Variants in PSKH2 observed in about 807,000 individuals in gnomAD.
The protein encoded by PSKH2 is serine/threonine-protein kinase H2.
PSKH2 carries 16 observed loss-of-function variants against 22.5 expected under a neutral mutation model. The observed-to-expected ratio is 0.71, with a 90% CI of 0.48 to 1.08. The LOEUF (loss-of-function observed/expected upper bound fraction) is 1.08. Ranked by LOEUF, PSKH2 falls within the 50% of genes least tolerant of loss-of-function variation. PSKH2 has a pLI of 0.00. For synonymous variants in PSKH2, 188 were observed against 184.8 expected, an observed-to-expected ratio of 1.02 and a Z score of -0.14; for missense variants, 516 against 492.8, an observed-to-expected ratio of 1.05 and a Z score of -0.44.
chr8:86,066,175 G>A (rs1817854562), intron 1 of PSKH2, among the ~76,000 whole-genome samples: 1 of 150,732 alleles, frequency 6.6e-6, no homozygotes, highest in Admixed American at 6.6e-5. Context: ...TTACGTTGTA[G>A]AGTCAGGATT....
intron 1 of PSKH2, among the ~76,000 whole-genome samples, chr8:86,068,426 C>T (rs1215961610): frequency 6.6e-6 from 1 of 152,178 alleles, no homozygotes; most frequent in Non-Finnish European, 1.5e-5. Flanking sequence ...CTGAAATCTT[C>T]TACATAGGAA....
At position 86,064,467 on chromosome 8, in the gene PSKH2, T is replaced by A; in HGVS notation, c.350A>T (p.His117Leu). Residue 117 changes from histidine (H) to leucine (L), a missense_variant, in exon 2 of 3, where the codon CAT becomes CTT. Physicochemically the swap from His to Leu is moderately conservative, Grantham distance 99 (BLOSUM62 -3). Coordinates refer to ENST00000276616, the MANE Select transcript of PSKH2 (RefSeq NM_033126.3). ...SELSVLRRVSHRYIVQLMEIF... is the reference protein window; with the variant it reads ...SELSVLRRVSLRYIVQLMEIF... Reference sequence around the variant, plus strand: ...CTCCATGAGCTGGACAATGTAACGATGGCTAACCCGCCGCAGGACGCTCAG... The same window carrying A: ...CTCCATGAGCTGGACAATGTAACGAAGGCTAACCCGCCGCAGGACGCTCAG... 1 of 1,614,094 alleles carries A rather than the reference T, an allele frequency of 6.2e-7. No homozygotes were observed. The highest frequency in any genetic ancestry group is 8.5e-7 in the Non-Finnish European group (1 of 1,180,030).
chr8:86,066,850 C>A (rs957519064), intron 1 of PSKH2, among the ~76,000 whole-genome samples: 2 of 152,160 alleles, frequency 1.3e-5, no homozygotes, highest in South Asian at 2.1e-4. Context: ...TAAATAGATT[C>A]TTTCCCCTTT....
chr8:86,050,373 G>A (rs1170132413), intron 2 of PSKH2, among the ~76,000 whole-genome samples: 1 of 152,130 alleles, frequency 6.6e-6, no homozygotes, highest in Non-Finnish European at 1.5e-5. Flanking sequence ...CTAACACCAA[G>A]TAGCCATAAA....
intron 2 of PSKH2, among the ~76,000 whole-genome samples, chr8:86,061,737 C>T (rs897050264): frequency 7.9e-5 from 12 of 152,210 alleles, no homozygotes; most frequent in Admixed American, 2.6e-4. Context: ...TCCAGCCATC[C>T]GCACCAAGAT....
intron 2 of PSKH2, among the ~76,000 whole-genome samples, chr8:86,058,717 A>T (rs146558536): frequency 6.6e-6 from 1 of 152,330 alleles, no homozygotes; most frequent in East Asian, 1.9e-4. Context: ...AAGTGGAATG[A>T]TCATTGAAGA....
At chr8:86,067,698 T>C (rs1166324879) in intron 1 of PSKH2, among the ~76,000 whole-genome samples, 1 of 152,138 alleles carries the variant, frequency 6.6e-6, no homozygotes, top group African/African-American at 2.4e-5. Flanking sequence ...AGTGTTACAA[T>C]CTGCTTGAGA....
intron 2 of PSKH2, among the ~76,000 whole-genome samples, chr8:86,060,214 G>A (rs1817756881): frequency 1.3e-5 from 2 of 151,728 alleles, no homozygotes; most frequent in Admixed American, 1.3e-4. Context: ...GTTCCTTTCT[G>A]TACAGTATGA....
intron 2 of PSKH2, among the ~76,000 whole-genome samples, chr8:86,050,040 CAATATGCACAGCT>C (rs368921423): frequency 8.3e-4 from 127 of 152,260 alleles, no homozygotes; most frequent in African/African-American, 2.8e-3. Context: ...TGACACAGTA[CAATATGCACAGCT>C]AAGTAGTTCC....
intron 2 of PSKH2, among the ~76,000 whole-genome samples, chr8:86,049,206 A>G (rs1473950012): frequency 6.6e-6 from 1 of 152,176 alleles, no homozygotes; most frequent in Non-Finnish European, 1.5e-5. Context: ...AAGAATGAGA[A>G]GGAGTAGAAG....
chr8:86,063,829 G>A, intron 2 of PSKH2, 136 bp downstream of exon 2: 1 of 660,908 alleles, frequency 1.5e-6, no homozygotes, highest in Admixed American at 2.9e-5. Flanking sequence ...TTAGAGTAGA[G>A]GGCAGTGATG....
At chr8:86,052,823 A>C (rs1390553312) in intron 2 of PSKH2, among the ~76,000 whole-genome samples, 1 of 152,178 alleles carries the variant, frequency 6.6e-6, no homozygotes, top group Non-Finnish European at 1.5e-5. Context: ...GTTGCAAGTA[A>C]ATTGTAATAT....
At chr8:86,049,747 A>AAAGAAAGAAAGGAAAGAAAGAAAGG (rs1363102902) in intron 2 of PSKH2, among the ~76,000 whole-genome samples, 1 of 11,442 alleles carries the variant, frequency 8.7e-5, no homozygotes, top group Non-Finnish European at 1.6e-4. Flanking sequence ...AGAAAGAAAG[A>AAAGAAAGAAAGGAAAGAAAGAAAGG]AACGAAAGAA....
Position 86,048,644 on chromosome 8 carries a change from C to T in PSKH2, c.976G>A (p.Gly326Arg). ...DHPWVITMAA[G>R]SSMKNLQRAI... ...CTCTGGAGATTCTTCATGGAAGACC[C>T]TGCAGCCATGGTGATCACCCAGGGA... is the stretch of plus-strand genomic sequence containing the variant. The change falls in exon 3 of 3, where the codon GGG (glycine) becomes AGG (arginine). Residue 326 changes from glycine (G) to arginine (R), a missense_variant. Coordinates refer to ENST00000276616, the MANE Select transcript of PSKH2 (RefSeq NM_033126.3). 1 of 1,614,138 alleles carries T rather than the reference C, an allele frequency of 6.2e-7. No individual in the cohort carries two copies. The highest frequency in any genetic ancestry group is 8.5e-7 in the Non-Finnish European group (1 of 1,180,024).
At chr8:86,063,622 A>C (rs1817808452) in intron 2 of PSKH2, among the ~76,000 whole-genome samples, 1 of 152,262 alleles carries the variant, frequency 6.6e-6, no homozygotes, top group Non-Finnish European at 1.5e-5. Flanking sequence ...AGATTGGAGA[A>C]AAAAACTGCA....
intron 2 of PSKH2, among the ~76,000 whole-genome samples, chr8:86,053,044 G>C (rs1228404950): frequency 6.6e-6 from 1 of 152,238 alleles, no homozygotes; most frequent in African/African-American, 2.4e-5. Flanking sequence ...CTTACATGCT[G>C]TAGATGTCTT....
upstream of PSKH2, chr8:86,069,736 C>T: frequency 2.4e-6 from 3 of 1,242,732 alleles, no homozygotes; most frequent in Non-Finnish European, 3.2e-6. Flanking sequence ...GGAAAGAAAC[C>T]CCACTGGGGG....
Position 86,069,515 on chromosome 8 carries a change from G to T in PSKH2, c.108C>A (p.Pro36=). ...QAGVGGAGPG[P]EAAAQAAQRI... is the part of the protein sequence containing the mutation. ...TCTGCGCCGCCTGGGCCGCCGCCTCGGGCCCAGGCCCCGCGCCTCCGACGC... is the reference window on the plus strand; with the variant it reads ...TCTGCGCCGCCTGGGCCGCCGCCTCTGGCCCAGGCCCCGCGCCTCCGACGC... The change falls in exon 1 of 3, where the codon CCC becomes CCA. Residue 36 remains proline (P), a synonymous_variant. Transcript: ENST00000276616. 1 of 1,608,550 alleles carries T rather than the reference G, an allele frequency of 6.2e-7. No homozygotes were observed. The highest frequency in any genetic ancestry group is 2.2e-5 in the East Asian group (1 of 44,706).
Position 86,048,377 on chromosome 8 carries a change from G to T in PSKH2, c.*85C>A. 2.1e-6 allele frequency: 2 copies of T among 957,476 alleles called. No individual in the cohort carries two copies. Among genetic ancestry groups the T allele is most frequent in the Non-Finnish European group, 1.6e-6 (1 of 626,852 alleles). The allele number at this position is 957,476 out of a possible 1,614,324, so 59.3% of individuals were successfully genotyped here. On this transcript the variant is annotated 3_prime_UTR_variant, in exon 3 of 3. Transcript: ENST00000276616. Reference sequence around the variant, plus strand: ...CAATAGTATCCAACAATACCATGGAGTCCCGTGTCTTTGGAGCTTGAGGGT... The same window carrying T: ...CAATAGTATCCAACAATACCATGGATTCCCGTGTCTTTGGAGCTTGAGGGT...
Sources: allele counts gnomAD v4.1 joint callset (sites outside exome capture counted in the v4.1 genomes callset), GRCh38; gene constraint gnomAD v4.1.1; transcripts MANE v1.5; gene names NCBI Gene and HGNC (gene_info 2026-07-23, HGNC 2026-07-21).